CNTNAP5: variants seen among roughly 807,000 people sequenced by gnomAD.
The protein encoded by CNTNAP5 is contactin associated protein family member 5.
Under a neutral mutation model 150.2 loss-of-function variants are expected in CNTNAP5, and 72 were observed. The ratio of observed to expected loss-of-function variants is 0.48; its 90% CI spans 0.40 to 0.58. The LOEUF is 0.58. CNTNAP5 is among the 20% of genes least tolerant of loss of function. The pLI is 0.00. For synonymous variants in CNTNAP5, 672 were observed against 619.8 expected (o/e 1.08, Z -1.25); for missense variants, 1,636 against 1,626.2 (o/e 1.01, Z -0.10).
chr2:124,349,884 T>C (rs1434166816), intron 3 of CNTNAP5, among the ~76,000 whole-genome samples: 15 of 60,112 alleles, frequency 2.5e-4, no homozygotes, highest in African/African-American at 7.0e-4. Context: ...CTTTTTTTTT[T>C]TTTTTTTTTT....
rs1678844213 is a variant in CNTNAP5, at chr2:124,920,057, A to G, written c.*5769A>G. On this transcript the variant is annotated 3_prime_UTR_variant, in exon 24 of 24. Coordinates refer to ENST00000682447, the MANE Select transcript of CNTNAP5 (RefSeq NM_001367498.1). The stretch of plus-strand genomic sequence containing the variant: ...AGTACCGCCAGGGACCTACCATCTA[A>G]CACCATCTGGGAACACTATTTTTTC... 6.6e-6 allele frequency among the ~76,000 whole-genome samples: 1 copy of G among 152,088 alleles called. No individual in the cohort carries two copies. Among genetic ancestry groups the G allele is most frequent in the Non-Finnish European group, 1.5e-5 (1 of 68,020 alleles).
chr2:124,267,778 G>A (rs1687648344), intron 3 of CNTNAP5, among the ~76,000 whole-genome samples: 1 of 152,176 alleles, frequency 6.6e-6, no homozygotes, highest in African/African-American at 2.4e-5. Flanking sequence ...TTCACAGCTT[G>A]GGAGAATTTG....
intron 3 of CNTNAP5, among the ~76,000 whole-genome samples, chr2:124,295,182 A>C (rs369158626): frequency 3.0e-4 from 45 of 151,908 alleles, no homozygotes; most frequent in African/African-American, 1.1e-3. Flanking sequence ...GAGAGCTTGC[A>C]CATGGTTCTC....
intron 8 of CNTNAP5, among the ~76,000 whole-genome samples, chr2:124,523,427 C>T (rs995199880): frequency 3.3e-5 from 5 of 152,164 alleles, no homozygotes; most frequent in Non-Finnish European, 5.9e-5. Flanking sequence ...TCAGCAAGCA[C>T]TTTACACCAC....
At chr2:124,603,461 T>G (rs1697031149) in intron 11 of CNTNAP5, among the ~76,000 whole-genome samples, 2 of 152,206 alleles carry the variant, frequency 1.3e-5, no homozygotes, top group Non-Finnish European at 2.9e-5. Flanking sequence ...GACTAAAATA[T>G]CCCATTAATG....
chr2:124,076,144 A>G (rs1328559061), intron 1 of CNTNAP5, among the ~76,000 whole-genome samples: 1 of 152,154 alleles, frequency 6.6e-6, no homozygotes, highest in African/African-American at 2.4e-5. Context: ...CATTACAGAT[A>G]TTATAGCTTA....
intron 11 of CNTNAP5, among the ~76,000 whole-genome samples, chr2:124,607,423 C>T (rs895782512): frequency 1.3e-5 from 2 of 152,044 alleles, no homozygotes; most frequent in African/African-American, 4.8e-5. Context: ...CCTAGAACAC[C>T]CAAGATGGAA....
chr2:124,377,333 A>G (rs1690674965), intron 3 of CNTNAP5, among the ~76,000 whole-genome samples: 1 of 152,168 alleles, frequency 6.6e-6, no homozygotes, highest in East Asian at 1.9e-4. Flanking sequence ...AAGAGAAAGA[A>G]TAAGGAGTGT....
chr2:124,040,872 G>C lies in CNTNAP5; in HGVS notation c.82+15140G>C, dbSNP rs1681352740. On this transcript the variant is annotated intron_variant, in intron 1 of 23. Transcript: ENST00000682447. ...TAAGGCATTTAAATACAAGTATAAT[G>C]GTGACAGTTGCTGTATTTTGTTGTA... Among the ~76,000 whole-genome samples, 3 of 152,088 alleles carry C rather than the reference G, an allele frequency of 2.0e-5. No individual in the cohort carries two copies. The South Asian group carries it at 6.2e-4, about 32-fold the overall frequency.
intron 21 of CNTNAP5, among the ~76,000 whole-genome samples, chr2:124,899,494 C>A (rs920602741): frequency 6.6e-6 from 1 of 151,588 alleles, no homozygotes; most frequent in African/African-American, 2.4e-5. Flanking sequence ...GAAACTAAGT[C>A]AATTTCAAAT....
At chr2:124,377,570 G>A (rs1690681296) in intron 3 of CNTNAP5, among the ~76,000 whole-genome samples, 2 of 151,844 alleles carry the variant, frequency 1.3e-5, no homozygotes, top group African/African-American at 4.8e-5. Flanking sequence ...AGCTACTCAG[G>A]AGGCTGAGAC....
At position 124,025,497 on chromosome 2, in the gene CNTNAP5, G is replaced by T. The variant is rs952738836; in HGVS notation, c.-154G>T. On this transcript the variant is annotated 5_prime_UTR_variant, in exon 1 of 24. Coordinates refer to ENST00000682447, the MANE Select transcript of CNTNAP5 (RefSeq NM_001367498.1). ...TCCCCCGCCACGGTTTCGGTGGAGC[G>T]TCTGGGCACGGGATGGAGTGAAAGA... 1.6e-6 allele frequency: 1 copy of T among 641,416 alleles called. No homozygotes were observed. The highest frequency in any genetic ancestry group is 2.8e-6 in the Non-Finnish European group (1 of 357,970). The allele number at this position is 641,416 out of a possible 1,614,324, so 39.7% of individuals were successfully genotyped here.
At chr2:124,865,175 AT>A in intron 19 of CNTNAP5, 130 bp from the exon 20 acceptor site, 1 of 719,978 alleles carries the variant, frequency 1.4e-6, no homozygotes, top group East Asian at 2.8e-5. Flanking sequence ...TACGTGATAT[AT>A]TTTTAAAAAT....
intron 3 of CNTNAP5, among the ~76,000 whole-genome samples, chr2:124,283,111 A>G (rs1270008427): frequency 6.6e-6 from 1 of 152,046 alleles, no homozygotes; most frequent in Middle Eastern, 3.2e-3. Flanking sequence ...GGCAGGAGCA[A>G]ATCTTTTTTC....
chr2:124,685,761 T>TGTGC (rs138014725), intron 13 of CNTNAP5, among the ~76,000 whole-genome samples: 3,186 of 133,876 alleles, frequency 0.024, 35 homozygotes, highest in Non-Finnish European at 0.028. Context: ...TGTGTGTGTG[T>TGTGC]GCGCGCGCGT....
chr2:124,673,635 G>T (rs1678867715), intron 13 of CNTNAP5, among the ~76,000 whole-genome samples: 2 of 151,728 alleles, frequency 1.3e-5, no homozygotes, highest in Admixed American at 1.3e-4. Flanking sequence ...TAACTACTCT[G>T]TGTCAGAAAG....
chr2:124,391,265 T>G (rs1691102691), intron 3 of CNTNAP5, among the ~76,000 whole-genome samples: 1 of 152,176 alleles, frequency 6.6e-6, no homozygotes, highest in Non-Finnish European at 1.5e-5. Flanking sequence ...CAGTAGGATA[T>G]TTTAGATCTT....
At chr2:124,573,195 G>A (rs569122359) in intron 11 of CNTNAP5, among the ~76,000 whole-genome samples, 1 of 152,300 alleles carries the variant, frequency 6.6e-6, no homozygotes, top group South Asian at 2.1e-4. Context: ...GGATTTAAAA[G>A]CAAAACTAAT....
intron 17 of CNTNAP5, among the ~76,000 whole-genome samples, chr2:124,776,095 C>T (rs570020127): frequency 5.9e-5 from 9 of 152,216 alleles, no homozygotes; most frequent in African/African-American, 9.6e-5. Flanking sequence ...AAATTAGGAA[C>T]GACTGTCACA....
Sources: gnomAD v4.1 joint callset for allele counts (sites outside exome capture counted in the v4.1 genomes callset) on GRCh38, gnomAD v4.1.1 for gene constraint, MANE v1.5 for transcripts, NCBI Gene and HGNC (gene_info 2026-07-23, HGNC 2026-07-21) for gene names.